The following TRAPPC9 variants were observed in gnomAD, a reference collection of about 807,000 sequenced individuals.
TRAPPC9 encodes trafficking protein particle complex subunit 9.
TRAPPC9 carries 83 observed loss-of-function variants against 124.0 expected under a neutral mutation model. The observed-to-expected ratio is 0.67, with a 90% CI of 0.56 to 0.80. TRAPPC9 has a LOEUF of 0.80. Ranked by LOEUF, TRAPPC9 falls within the 30% of genes least tolerant of loss-of-function variation. The pLI is 0.00. For synonymous variants in TRAPPC9, 638 were observed against 617.5 expected, an observed-to-expected ratio of 1.03 and a Z score of -0.49; for missense variants, 1,302 against 1,508.3, an observed-to-expected ratio of 0.86 and a Z score of 2.27.
At chr8:139,752,066 C>T (rs1008877032) in intron 21 of TRAPPC9, among the ~76,000 whole-genome samples, 1 of 152,024 alleles carries the variant, frequency 6.6e-6, no homozygotes, top group African/African-American at 2.4e-5. Flanking sequence ...TACCATCCAT[C>T]CATCCATCCA....
In TRAPPC9 at chr8:139,890,599, C is replaced by T. The variant is rs1056826698; in HGVS notation, c.2965-4630G>A. Among the ~76,000 whole-genome samples, 7 of 152,176 alleles carry T rather than the reference C, an allele frequency of 4.6e-5. No individual in the cohort carries two copies. In the South Asian group the frequency reaches 6.2e-4, roughly 14 times the overall value. The stretch of plus-strand genomic sequence containing the variant: ...AAGGCCATTGTGAGGGACCCCTTCC[C>T]GGTCTGTTTTCTCAGTTTTCAAATA... On this transcript the variant is annotated intron_variant, in intron 20 of 22. Transcript: ENST00000438773.
At chr8:140,245,461 T>G (rs987411995) in intron 16 of TRAPPC9, among the ~76,000 whole-genome samples, 1 of 107,596 alleles carries the variant, frequency 9.3e-6, no homozygotes, top group African/African-American at 5.2e-5. Flanking sequence ...CTCTTTGTTT[T>G]GTGGTGTGTG....
intron 19 of TRAPPC9, among the ~76,000 whole-genome samples, chr8:139,930,843 G>A (rs751810259): frequency 6.6e-6 from 1 of 152,188 alleles, no homozygotes. Context: ...CAAGGGTTAT[G>A]AGGATGAAAT....
chr8:140,140,987 G>C (rs2061374023), intron 17 of TRAPPC9, among the ~76,000 whole-genome samples: 1 of 152,150 alleles, frequency 6.6e-6, no homozygotes, highest in Non-Finnish European at 1.5e-5. Flanking sequence ...CATTTCTACA[G>C]AGCACTTCTA....
chr8:139,872,664 ATGGG>A (rs1418240586), intron 21 of TRAPPC9, among the ~76,000 whole-genome samples: 1 of 128,104 alleles, frequency 7.8e-6, no homozygotes, highest in African/African-American at 3.0e-5. Context: ...GGATGGATGG[ATGGG>A]TGGGCTGGTG....
At chr8:139,969,939 A>G (rs544672224) in intron 19 of TRAPPC9, among the ~76,000 whole-genome samples, 2 of 152,370 alleles carry the variant, frequency 1.3e-5, no homozygotes, top group African/African-American at 4.8e-5. Context: ...ACTTTGCTCT[A>G]TGACACTGTC....
intron 17 of TRAPPC9, among the ~76,000 whole-genome samples, chr8:140,185,457 G>A (rs565395509): frequency 6.6e-6 from 1 of 152,340 alleles, no homozygotes; most frequent in East Asian, 1.9e-4. Context: ...CCACGCCCAG[G>A]CAATTCAGGC....
intron 19 of TRAPPC9, among the ~76,000 whole-genome samples, chr8:139,952,499 T>C (rs1217498435): frequency 1.3e-5 from 2 of 152,126 alleles, no homozygotes; most frequent in African/African-American, 2.4e-5. Flanking sequence ...ACAGCAAGAC[T>C]GCACAGGAGC....
chr8:140,419,929 T>G (rs191515353), intron 5 of TRAPPC9, among the ~76,000 whole-genome samples: 145 of 151,882 alleles, frequency 9.5e-4, no homozygotes, highest in African/African-American at 3.4e-3. Flanking sequence ...TCTTTTCAGA[T>G]GACATGATCC....
chr8:140,005,158 A>G (rs1838665524), intron 18 of TRAPPC9, among the ~76,000 whole-genome samples: 1 of 152,222 alleles, frequency 6.6e-6, no homozygotes, highest in African/African-American at 2.4e-5. Context: ...ACGGAGGACT[A>G]TGAATGACTA....
chr8:140,090,021 AG>A (rs1156751952), intron 17 of TRAPPC9, among the ~76,000 whole-genome samples: 1 of 152,094 alleles, frequency 6.6e-6, no homozygotes, highest in Non-Finnish European at 1.5e-5. Context: ...TGGAGGATGC[AG>A]TGAGCCGAGT....
At chr8:140,222,663 C>A (rs1405672687) in intron 16 of TRAPPC9, among the ~76,000 whole-genome samples, 4 of 152,152 alleles carry the variant, frequency 2.6e-5, no homozygotes, top group African/African-American at 4.8e-5. Flanking sequence ...GAAGACCTGG[C>A]GGAATGAATG....
At chr8:139,991,388 A>G (rs1224802548) in intron 18 of TRAPPC9, among the ~76,000 whole-genome samples, 1 of 151,844 alleles carries the variant, frequency 6.6e-6, no homozygotes, top group African/African-American at 2.4e-5. Flanking sequence ...TATTCTTTCT[A>G]ATTGTTGACA....
chr8:140,431,945 T>TCAC (rs1433991667), intron 4 of TRAPPC9, among the ~76,000 whole-genome samples: 1 of 152,192 alleles, frequency 6.6e-6, no homozygotes, highest in African/African-American at 2.4e-5. Context: ...AAGTCCAATT[T>TCAC]CACCACTGTC....
At chr8:140,190,336 T>C (rs373400496) in intron 17 of TRAPPC9, among the ~76,000 whole-genome samples, 3 of 152,168 alleles carry the variant, frequency 2.0e-5, no homozygotes, top group African/African-American at 7.2e-5. Context: ...CAGGCGACTG[T>C]AATCCCAGCT....
At chr8:140,453,939 A>C (rs1200750714) in intron 1 of TRAPPC9, among the ~76,000 whole-genome samples, 13 of 152,232 alleles carry the variant, frequency 8.5e-5, no homozygotes, top group Non-Finnish European at 1.9e-4. Flanking sequence ...CGAAGCCTTC[A>C]TTCTACAGAG....
rs34261188 is a variant in TRAPPC9, at chr8:140,160,833, G to GA, written c.2556+60625dup. ...ATAAAAAGGAAGCTTGAAGATTCCT[G>GA]AAAAAAAAAAAGTTTCTGCCCTATT... On this transcript the variant is annotated intron_variant, in intron 17 of 22. Transcript: ENST00000438773. Among the ~76,000 whole-genome samples, 81 of 146,796 alleles carry GA rather than the reference G, an allele frequency of 5.5e-4. No homozygotes were observed. The South Asian group carries it at 0.011, about 19-fold the overall frequency.
chr8:139,863,714 A>C (rs531587123), intron 21 of TRAPPC9, among the ~76,000 whole-genome samples: 1 of 152,350 alleles, frequency 6.6e-6, no homozygotes, highest in South Asian at 2.1e-4. Context: ...GAGATGCTCA[A>C]CACGTCAACG....
intron 17 of TRAPPC9, among the ~76,000 whole-genome samples, chr8:140,195,197 G>A (rs947580840): frequency 1.3e-5 from 2 of 151,856 alleles, no homozygotes; most frequent in African/African-American, 4.8e-5. Context: ...GATCATACCT[G>A]TGAAACTAAA....
Sources: gnomAD v4.1 joint callset for allele counts (sites outside exome capture counted in the v4.1 genomes callset) on GRCh38, gnomAD v4.1.1 for gene constraint, MANE v1.5 for transcripts, NCBI Gene and HGNC (gene_info 2026-07-23, HGNC 2026-07-21) for gene names.